Variants in CSGALNACT1 observed in about 807,000 individuals in gnomAD.
CSGALNACT1 encodes the protein beta4GalNAcT-1.
In CSGALNACT1, 52 loss-of-function variants were observed where a neutral mutation model predicts 51.0. The observed-to-expected ratio is 1.02, with a 90% CI of 0.82 to 1.29. CSGALNACT1 has a LOEUF of 1.29. Among genes scored for constraint, CSGALNACT1 ranks in the 50% most tolerant of loss-of-function variants. CSGALNACT1 has a pLI of 0.00. For synonymous variants in CSGALNACT1, 341 were observed against 254.4 expected (o/e 1.34, Z -3.24); for missense variants, 935 against 679.2 (o/e 1.38, Z -4.19).
chr8:19,552,524 T>C (rs958762934), intron 3 of CSGALNACT1, among the ~76,000 whole-genome samples: 2 of 152,148 alleles, frequency 1.3e-5, no homozygotes, highest in South Asian at 2.1e-4. Context: ...CATCCTTCTA[T>C]GGATAAGAAA....
At chr8:19,616,322 A>C (rs1396534982) in intron 1 of CSGALNACT1, among the ~76,000 whole-genome samples, 2 of 152,324 alleles carry the variant, frequency 1.3e-5, no homozygotes, top group East Asian at 3.9e-4. Flanking sequence ...TGGCATTAGA[A>C]GACACAGCTT....
intron 5 of CSGALNACT1, chr8:19,457,749 G>A (rs1338389070): frequency 7.4e-7 from 1 of 1,349,988 alleles, no homozygotes; most frequent in Admixed American, 1.9e-5. Flanking sequence ...AGCCATCACA[G>A]CTTCTAAGAT....
chr8:19,497,073 T>C (rs781201778), intron 4 of CSGALNACT1, among the ~76,000 whole-genome samples: 1 of 152,100 alleles, frequency 6.6e-6, no homozygotes, highest in Admixed American at 6.6e-5. Context: ...GAAAACTAAG[T>C]GCAGCTGAGG....
At chr8:19,704,556 A>G (rs1415969179) in intron 1 of CSGALNACT1, among the ~76,000 whole-genome samples, 1 of 152,220 alleles carries the variant, frequency 6.6e-6, no homozygotes, top group Non-Finnish European at 1.5e-5. Flanking sequence ...TCTATGATCC[A>G]GCACTCTCAC....
intron 5 of CSGALNACT1, among the ~76,000 whole-genome samples, chr8:19,454,623 G>T (rs910200932): frequency 6.6e-6 from 1 of 151,954 alleles, no homozygotes; most frequent in East Asian, 1.9e-4. Context: ...GTGAGCTAAG[G>T]TTCTGCCACT....
intron 5 of CSGALNACT1, among the ~76,000 whole-genome samples, chr8:19,440,412 T>C (rs891421107): frequency 2.2e-4 from 34 of 151,876 alleles, no homozygotes; most frequent in Non-Finnish European, 3.8e-4. Flanking sequence ...GCTGGTTCAA[T>C]ATATGCAAAT....
intron 1 of CSGALNACT1, among the ~76,000 whole-genome samples, chr8:19,673,553 G>A (rs1292378561): frequency 1.3e-5 from 2 of 152,228 alleles, no homozygotes; most frequent in Non-Finnish European, 2.9e-5. Context: ...GGAGAAAAGA[G>A]TGAAAGCCAC....
intron 3 of CSGALNACT1, among the ~76,000 whole-genome samples, chr8:19,542,449 T>C (rs1283446297): frequency 6.6e-6 from 1 of 152,182 alleles, no homozygotes; most frequent in African/African-American, 2.4e-5. Flanking sequence ...GGGTTCCATG[T>C]GACAGTCTCC....
chr8:19,610,927 C>A (rs1011926216), intron 1 of CSGALNACT1, among the ~76,000 whole-genome samples: 3 of 152,342 alleles, frequency 2.0e-5, no homozygotes, highest in African/African-American at 7.2e-5. Context: ...CTGCGGCTTC[C>A]GGAGCTGTCA....
intron 1 of CSGALNACT1, among the ~76,000 whole-genome samples, chr8:19,756,418 G>T (rs2065379817): frequency 1.3e-5 from 2 of 152,202 alleles, no homozygotes; most frequent in Admixed American, 1.3e-4. Context: ...GGCAGGCACA[G>T]TGCTGTTAAC....
chr8:19,634,380 G>A (rs971166725), intron 1 of CSGALNACT1, among the ~76,000 whole-genome samples: 2 of 152,130 alleles, frequency 1.3e-5, no homozygotes, highest in African/African-American at 4.8e-5. Flanking sequence ...AGAAATACAA[G>A]AGGCCAGGTG....
intron 3 of CSGALNACT1, among the ~76,000 whole-genome samples, chr8:19,534,869 C>A (rs17128591): frequency 0.035 from 5,384 of 152,272 alleles, 303 homozygotes; most frequent in African/African-American, 0.12. Flanking sequence ...GTAATCCAAA[C>A]AGCCTTGGTG....
intron 4 of CSGALNACT1, among the ~76,000 whole-genome samples, chr8:19,462,575 G>A (rs1010142726): frequency 1.3e-5 from 2 of 152,090 alleles, no homozygotes; most frequent in African/African-American, 4.8e-5. Context: ...ATCAGCCCAG[G>A]GTGACAGAGA....
chr8:19,507,142 G>A (rs1461478237), intron 3 of CSGALNACT1, among the ~76,000 whole-genome samples: 1 of 152,198 alleles, frequency 6.6e-6, no homozygotes, highest in Non-Finnish European at 1.5e-5. Context: ...AATGGTTCCA[G>A]CTAACTCTTT....
chr8:19,741,329 C>T (rs572841826), intron 1 of CSGALNACT1, among the ~76,000 whole-genome samples: 1 of 152,070 alleles, frequency 6.6e-6, no homozygotes, highest in Non-Finnish European at 1.5e-5. Flanking sequence ...CTTTGGCAGG[C>T]TGAGGCGGAT....
In CSGALNACT1 at chr8:19,617,127, G is replaced by A. The variant is rs1002577962; in HGVS notation, c.-543-15262C>T. Among the ~76,000 whole-genome samples the A allele has an allele frequency of 5.9e-5, 9 of 152,340 alleles. No individual in the cohort carries two copies. In the South Asian group the frequency reaches 1.2e-3, roughly 21 times the overall value. On this transcript the variant is annotated intron_variant, in intron 1 of 9. Coordinates refer to the CSGALNACT1 transcript ENST00000332246. ...ATCATCAGGCATTACAATCTCATAA[G>A]GAGCGCACAACCTAGATCCTTGACA... is the stretch of plus-strand genomic sequence containing the variant.
chr8:19,658,773 A>G (rs1276942717), intron 1 of CSGALNACT1, among the ~76,000 whole-genome samples: 1 of 152,146 alleles, frequency 6.6e-6, no homozygotes, highest in Non-Finnish European at 1.5e-5. Flanking sequence ...CACCACCACA[A>G]GCAACAGCTA....
Position 19,696,533 on chromosome 8 carries a change from G to C in CSGALNACT1, c.-297+61317C>G, listed in dbSNP as rs146462712. Among the ~76,000 whole-genome samples the C allele has an allele frequency of 3.3e-3, 506 of 152,292 alleles. 1 individual carries two copies. Among genetic ancestry groups the C allele is most frequent in the Non-Finnish European group, 6.1e-3 (416 of 68,022 alleles). On this transcript the variant is annotated intron_variant, in intron 1 of 1. Transcript: ENST00000517494. ...TGCAAGGAGGAAGCAACCACCTGTGGCTGAAAAACCACAGTAGCTACAGTG... is the reference window on the plus strand; with the variant it reads ...TGCAAGGAGGAAGCAACCACCTGTGCCTGAAAAACCACAGTAGCTACAGTG...
At chr8:19,408,505 A>C in intron 9 of CSGALNACT1, 108 bp downstream of exon 8, 9 of 427,936 alleles carry the variant, frequency 2.1e-5, no homozygotes, top group East Asian at 1.3e-4. Context: ...TTTGAAGGCA[A>C]TGGTACCACC....
Sources: gnomAD v4.1 joint callset for allele counts (sites outside exome capture counted in the v4.1 genomes callset) on GRCh38, gnomAD v4.1.1 for gene constraint, MANE v1.5 for transcripts, NCBI Gene and HGNC (gene_info 2026-07-23, HGNC 2026-07-21) for gene names.